SNED1: variants seen among roughly 807,000 people sequenced by gnomAD.
SNED1 encodes sushi, nidogen and EGF-like domain-containing protein 1.
In SNED1, 81 loss-of-function variants were observed where a neutral mutation model predicts 166.7. The ratio of observed to expected loss-of-function variants is 0.49; its 90% confidence interval spans 0.41 to 0.58. SNED1 has a LOEUF of 0.58. SNED1 is among the 20% of genes least tolerant of loss of function. The pLI is 0.00. For missense variants in SNED1, 1,604 were observed against 2,000.2 expected, an observed-to-expected ratio of 0.80 and a Z score of 3.78; for synonymous variants, 762 against 822.0, an observed-to-expected ratio of 0.93 and a Z score of 1.25.
At chr2:241,071,948 C>T (rs761635333) in intron 26 of SNED1, 70 bp downstream of exon 26, 1 of 1,262,986 alleles carries the variant, frequency 7.9e-7, no homozygotes, top group Admixed American at 2.0e-5. Context: ...TCACCAGGTC[C>T]TGTCCCCTAC....
At chr2:241,016,476 G>C (rs1449559944) in intron 1 of SNED1, among the ~76,000 whole-genome samples, 1 of 150,064 alleles carries the variant, frequency 6.7e-6, no homozygotes, top group Non-Finnish European at 1.5e-5. Flanking sequence ...GATTACAGGC[G>C]TGAGCCACCA....
chr2:241,048,602 A>G (rs2061734386), intron 9 of SNED1, 60 bp from the exon 10 acceptor site: 5 of 1,523,922 alleles, frequency 3.3e-6, no homozygotes, highest in Non-Finnish European at 4.5e-6. Flanking sequence ...CAGGGTCTGG[A>G]GCGAGGGTGC....
At chr2:241,030,989 T>A (rs2124984547) in intron 2 of SNED1, among the ~76,000 whole-genome samples, 1 of 152,220 alleles carries the variant, frequency 6.6e-6, no homozygotes, top group East Asian at 1.9e-4. Context: ...GGGCTGACAC[T>A]CCCTAACGAG....
At chr2:241,077,716 A>T (rs2063096209) in intron 27 of SNED1, among the ~76,000 whole-genome samples, 1 of 152,246 alleles carries the variant, frequency 6.6e-6, no homozygotes, top group Admixed American at 6.5e-5. Flanking sequence ...TGCAAGGAAG[A>T]TATGCAAATG....
intron 8 of SNED1, among the ~76,000 whole-genome samples, chr2:241,048,058 C>A (rs1175965704): frequency 8.2e-6 from 1 of 122,286 alleles, no homozygotes. Context: ...GTGGTCTCTC[C>A]GGTGCTTCTT....
At chr2:241,077,272 C>T (rs2063072213) in intron 27 of SNED1, among the ~76,000 whole-genome samples, 1 of 152,084 alleles carries the variant, frequency 6.6e-6, no homozygotes, top group Non-Finnish European at 1.5e-5. Flanking sequence ...CACAAATTAC[C>T]ACAAATTGAC....
chr2:241,072,057 A>T (rs749346851), intron 26 of SNED1, 179 bp downstream of exon 26: 1 of 709,756 alleles, frequency 1.4e-6, no homozygotes, highest in Non-Finnish European at 2.5e-6. Flanking sequence ...GGCAGCATGC[A>T]CCTCCATGGC....
intron 29 of SNED1, among the ~76,000 whole-genome samples, chr2:241,085,713 GTTTTC>G (rs973837344): frequency 2.7e-5 from 4 of 150,800 alleles, no homozygotes; most frequent in African/African-American, 5.0e-5. Context: ...TTGTTTGTTT[GTTTTC>G]TTTTCAAGAA....
chr2:241,028,372 G>A (rs148846551), intron 1 of SNED1, among the ~76,000 whole-genome samples: 16 of 152,170 alleles, frequency 1.1e-4, no homozygotes, highest in Middle Eastern at 6.8e-3. Flanking sequence ...CAAATCCAGC[G>A]TCATGAAGCT....
chr2:241,055,259 C>G (rs569177987), intron 16 of SNED1, among the ~76,000 whole-genome samples: 1 of 152,154 alleles, frequency 6.6e-6, no homozygotes, highest in South Asian at 2.1e-4. Context: ...TCCAGATGAA[C>G]AGCAGATTAA....
At chr2:241,089,425 A>T (rs1282011817) in intron 31 of SNED1, 1 of 1,549,658 alleles carries the variant, frequency 6.5e-7, no homozygotes, top group Non-Finnish European at 8.7e-7. Flanking sequence ...GAAGCAAAAC[A>T]GCTTTTCAGA....
chr2:241,049,507 GTATAGT>G (rs1320806281), intron 11 of SNED1, among the ~76,000 whole-genome samples: 1 of 152,204 alleles, frequency 6.6e-6, no homozygotes, highest in Non-Finnish European at 1.5e-5. Context: ...CTTGCATCAC[GTATAGT>G]TATATAGAAT....
chr2:241,084,464 A>C (rs1055600545), intron 29 of SNED1, among the ~76,000 whole-genome samples: 1 of 152,100 alleles, frequency 6.6e-6, no homozygotes, highest in Non-Finnish European at 1.5e-5. Context: ...AGCAGTGTCT[A>C]GGATTTACCA....
chr2:241,001,002 T>A (rs919910852), intron 1 of SNED1, among the ~76,000 whole-genome samples: 1 of 152,190 alleles, frequency 6.6e-6, no homozygotes, highest in African/African-American at 2.4e-5. Flanking sequence ...AGGCATTTGT[T>A]CTGAAGGAAG....
chr2:241,033,098 T>C (rs1476031947), intron 2 of SNED1, among the ~76,000 whole-genome samples: 4 of 152,218 alleles, frequency 2.6e-5, no homozygotes, highest in African/African-American at 9.6e-5. Flanking sequence ...GCCTGTATTT[T>C]CTTCTAGGAC....
chr2:240,998,455 G>C (rs758613618), upstream of SNED1, among the ~76,000 whole-genome samples: 14 of 152,146 alleles, frequency 9.2e-5, no homozygotes, highest in Non-Finnish European at 2.1e-4. Flanking sequence ...CGCGCCCGCA[G>C]AGCCCTCACC....
intron 31 of SNED1, chr2:241,090,036 A>AAATT (rs1559322639): frequency 3.2e-6 from 5 of 1,545,518 alleles, no homozygotes; most frequent in Non-Finnish European, 3.5e-6. Flanking sequence ...GCACAATAAT[A>AAATT]AATTAGTCCT....
In SNED1 at chr2:241,073,191, C is replaced by A; in HGVS notation, c.3818-75C>A. The A allele has an allele frequency of 9.1e-7, 1 of 1,103,792 alleles. No individual in the cohort carries two copies. The highest frequency in any genetic ancestry group is 1.3e-6 in the Non-Finnish European group (1 of 752,462). The allele number at this position is 1,103,792 out of a possible 1,614,324, so 68.4% of individuals were successfully genotyped here. ...CCGTGCTCCCTGAGATATAGAAGCA[C>A]TCAAAAGGGTGGCCCCAGGACCATC... is the stretch of plus-strand genomic sequence containing the variant. On this transcript the variant is annotated intron_variant, in intron 26 of 31. Coordinates refer to ENST00000310397, the MANE Select transcript of SNED1 (RefSeq NM_001080437.3). This position sits in a 1 kb window ranked among gnomAD's most constrained non-coding sequence, Gnocchi z 6.6.
At chr2:241,017,979 C>T (rs930454310) in intron 1 of SNED1, among the ~76,000 whole-genome samples, 4 of 152,264 alleles carry the variant, frequency 2.6e-5, no homozygotes, top group East Asian at 1.9e-4. Context: ...CTGGTTTATC[C>T]GGAATTGAAA....
Sources: gnomAD v4.1 joint callset for allele counts (sites outside exome capture counted in the v4.1 genomes callset) on GRCh38, gnomAD v4.1.1 for gene constraint, Gnocchi (gnomAD v3.1) non-coding constraint, MANE v1.5 for transcripts, NCBI Gene and HGNC (gene_info 2026-07-23, HGNC 2026-07-21) for gene names.